ITPRID1: variants seen among roughly 807,000 people sequenced by gnomAD.
ITPRID1 encodes ITPR interacting domain containing 1, also known as protein ITPRID1.
ITPRID1 carries 96 observed loss-of-function variants against 95.4 expected under a neutral mutation model. The ratio of observed to expected loss-of-function variants is 1.01; its 90% CI spans 0.85 to 1.19. The LOEUF is 1.19. ITPRID1 is among the 50% of genes most tolerant of loss of function. The probability of loss-of-function intolerance (pLI) is 0.00; values close to 1 mark genes in which losing one functional copy is unlikely to be tolerated. For missense variants in ITPRID1, 1,339 were observed against 1,252.9 expected, an observed-to-expected ratio of 1.07 and a Z score of -1.04; for synonymous variants, 510 against 453.6, an observed-to-expected ratio of 1.12 and a Z score of -1.58.
rs1784288943 is a variant in ITPRID1 at position 31,551,688 on chromosome 7, T to C, written c.-23-1314T>C. On this transcript the variant is annotated intron_variant, in intron 2 of 14. Coordinates refer to ENST00000615280, the MANE Select transcript of ITPRID1 (RefSeq NM_001257967.3). ...CACGTAAGAAAATTGTGCTGCCAGTTGCATCTAGAACGCTCACCTATTCTT... is the reference window on the plus strand; with the variant it reads ...CACGTAAGAAAATTGTGCTGCCAGTCGCATCTAGAACGCTCACCTATTCTT... Among the ~76,000 whole-genome samples the C allele has an allele frequency of 1.4e-5, 2 of 143,844 alleles. 1 individual carries two copies. Among genetic ancestry groups the C allele is most frequent in the Non-Finnish European group, 3.1e-5 (2 of 63,824 alleles). The allele number at this position is 143,844 out of a possible 152,430, so 94.4% of individuals were successfully genotyped here.
chr7:31,585,015 A>T (rs1188828068), intron 10 of ITPRID1, among the ~76,000 whole-genome samples: 1 of 152,204 alleles, frequency 6.6e-6, no homozygotes, highest in Non-Finnish European at 1.5e-5. Flanking sequence ...CCCAAGTGAC[A>T]TGAGGATGCC....
chr7:31,566,794 C>T (rs893881641), intron 5 of ITPRID1, among the ~76,000 whole-genome samples: 5 of 152,086 alleles, frequency 3.3e-5, no homozygotes, highest in South Asian at 2.1e-4. Context: ...TGGTTTTATG[C>T]GTTTCAGAAG....
intron 10 of ITPRID1, among the ~76,000 whole-genome samples, chr7:31,617,533 ATAAGAGTTCAGACAAAATTATT>A (rs1371053312): frequency 2.0e-5 from 3 of 152,170 alleles, no homozygotes; most frequent in Non-Finnish European, 4.4e-5. Flanking sequence ...GTGAGTGGAG[ATAAGAGTTCAGACAAAATTATT>A]TAAGAGAAAA....
chr7:31,580,916 A>G (rs1785380249), intron 9 of ITPRID1, among the ~76,000 whole-genome samples: 1 of 152,188 alleles, frequency 6.6e-6, no homozygotes, highest in African/African-American at 2.4e-5. Flanking sequence ...TAAAAAAGAA[A>G]CACACTACTC....
At chr7:31,518,433 A>G (rs1783117180) in intron 1 of ITPRID1, 1 of 152,308 alleles carries the variant, frequency 6.6e-6, no homozygotes, top group Non-Finnish European at 1.5e-5. Context: ...CTTCTAGGTG[A>G]ACTCGATGTT....
intron 1 of ITPRID1, among the ~76,000 whole-genome samples, chr7:31,520,952 T>C (rs1783230843): frequency 6.6e-6 from 1 of 152,038 alleles, no homozygotes; most frequent in African/African-American, 2.4e-5. Flanking sequence ...TGGCTTCACA[T>C]TACAAAGGCT....
At chr7:31,625,302 G>T (rs1788344056) in intron 10 of ITPRID1, among the ~76,000 whole-genome samples, 1 of 151,768 alleles carries the variant, frequency 6.6e-6, no homozygotes, top group Non-Finnish European at 1.5e-5. Flanking sequence ...AAATCATGCT[G>T]CTATAAAGAC....
intron 1 of ITPRID1, among the ~76,000 whole-genome samples, chr7:31,534,372 A>G (rs948837828): frequency 3.3e-5 from 5 of 152,214 alleles, no homozygotes; most frequent in Non-Finnish European, 7.3e-5. Flanking sequence ...GAGAGATGTT[A>G]AATCTCCAGC....
At chr7:31,646,369 G>C (rs184293122) in intron 12 of ITPRID1, among the ~76,000 whole-genome samples, 2 of 152,254 alleles carry the variant, frequency 1.3e-5, no homozygotes, top group Non-Finnish European at 2.9e-5. Flanking sequence ...TTGAAAGTGT[G>C]AGTGGGCCTC....
At chr7:31,529,095 A>T (rs181870158) in intron 1 of ITPRID1, among the ~76,000 whole-genome samples, 1 of 152,188 alleles carries the variant, frequency 6.6e-6, no homozygotes, top group African/African-American at 2.4e-5. Flanking sequence ...GTGAAATTCT[A>T]TGGATGATAA....
chr7:31,599,590 T>A (rs1462416529), intron 10 of ITPRID1, among the ~76,000 whole-genome samples: 1 of 41,614 alleles, frequency 2.4e-5, no homozygotes, highest in Non-Finnish European at 5.0e-5. Context: ...TGTTATTTTC[T>A]TTCTTTCTTT....
In ITPRID1 at chr7:31,643,954, G is replaced by A. The variant is rs534545066; in HGVS notation, c.2583+1G>A. 179 of 1,602,670 alleles carry A rather than the reference G, an allele frequency of 1.1e-4. 1 individual carries two copies. In the South Asian group the frequency reaches 1.6e-3, roughly 14 times the overall value. On this transcript the variant is annotated splice_donor_variant, in intron 12 of 14. Coordinates refer to ENST00000615280, the MANE Select transcript of ITPRID1 (RefSeq NM_001257967.3). LOFTEE classifies it high-confidence loss of function. ...CACTACAGTGAGGGAGCTATGTTCC[G>A]TAAGTGTTCACCCTGGCAAAGATGG...
chr7:31,519,620 C>CTCTCCATATATATATATATATATATA lies in ITPRID1; in HGVS notation c.-98+5501_-98+5502insCTCCATATATATATATATATATATAT. Among the ~76,000 whole-genome samples the CTCTCCATATATATATATATATATATA allele has an allele frequency of 5.9e-4, 15 of 25,270 alleles. 1 individual carries two copies. Among genetic ancestry groups the CTCTCCATATATATATATATATATATA allele is most frequent in the Non-Finnish European group, 8.0e-4 (11 of 13,726 alleles). The allele number at this position is 25,270 out of a possible 152,430, so 16.6% of individuals were successfully genotyped here. On this transcript the variant is annotated intron_variant, in intron 1 of 14. Coordinates refer to ENST00000615280, the MANE Select transcript of ITPRID1 (RefSeq NM_001257967.3). ...TCTCTCTCTCTCTCTCTCTCTCTCT[C>CTCTCCATATATATATATATATATATA]TATATATATATATATATATATATAT...
At chr7:31,570,253 G>A (rs887245435) in intron 6 of ITPRID1, among the ~76,000 whole-genome samples, 1 of 152,180 alleles carries the variant, frequency 6.6e-6, no homozygotes, top group African/African-American at 2.4e-5. Context: ...TAGGTCTCAA[G>A]TGTGGTGCCC....
intron 10 of ITPRID1, among the ~76,000 whole-genome samples, chr7:31,624,686 C>T (rs1171156096): frequency 1.3e-5 from 2 of 150,292 alleles, no homozygotes; most frequent in Non-Finnish European, 3.0e-5. Flanking sequence ...AAAACCTAGG[C>T]ATTACCATTC....
At chr7:31,615,945 C>G (rs1032024353) in intron 10 of ITPRID1, among the ~76,000 whole-genome samples, 2 of 151,692 alleles carry the variant, frequency 1.3e-5, no homozygotes, top group Non-Finnish European at 2.9e-5. Flanking sequence ...TTGGTAGAGA[C>G]GGGGTTTCAC....
intron 10 of ITPRID1, among the ~76,000 whole-genome samples, chr7:31,637,007 T>A (rs1301185645): frequency 6.6e-6 from 1 of 151,580 alleles, no homozygotes; most frequent in East Asian, 2.0e-4. Flanking sequence ...ATCCTTGCGA[T>A]AGTTTGCTGA....
intron 10 of ITPRID1, among the ~76,000 whole-genome samples, chr7:31,620,227 T>A (rs1271777060): frequency 6.6e-6 from 1 of 152,032 alleles, no homozygotes; most frequent in Non-Finnish European, 1.5e-5. Flanking sequence ...GACTTAAATG[T>A]CCCTGTCTGA....
At chr7:31,553,627 A>G (rs527858126) in intron 3 of ITPRID1, among the ~76,000 whole-genome samples, 2 of 152,304 alleles carry the variant, frequency 1.3e-5, no homozygotes, top group East Asian at 1.9e-4. Flanking sequence ...TGCCCCCATT[A>G]TGTAACTGTT....
Sources: gnomAD v4.1 joint callset for allele counts (sites outside exome capture counted in the v4.1 genomes callset) on GRCh38, gnomAD v4.1.1 for gene constraint, MANE v1.5 for transcripts, NCBI Gene and HGNC (gene_info 2026-07-23, HGNC 2026-07-21) for gene names.